Variants in SCIN observed in about 807,000 individuals in gnomAD.
The protein encoded by SCIN is scinderin.
Under a neutral mutation model 91.8 loss-of-function variants are expected in SCIN, and 91 were observed. That is an observed-to-expected ratio of 0.99 (90% CI 0.84 to 1.18). The LOEUF (loss-of-function observed/expected upper bound fraction) is 1.18, where lower values mean the gene tolerates loss of function less well. Ranked by LOEUF, SCIN falls within the 50% of genes most tolerant of loss-of-function variation. The pLI, the probability that SCIN is intolerant of heterozygous loss-of-function variation, is 0.00. For synonymous variants in SCIN, 367 were observed against 312.6 expected (o/e 1.17, Z -1.84); for missense variants, 1,087 against 863.9 (o/e 1.26, Z -3.24).
chr7:12,616,696 A>G (rs757425018), intron 4 of SCIN, among the ~76,000 whole-genome samples: 7 of 152,128 alleles, frequency 4.6e-5, no homozygotes, highest in Non-Finnish European at 8.8e-5. Flanking sequence ...TAACAGATAT[A>G]TCTTGCCTCA....
chr7:12,646,471 C>G (rs999459226), intron 13 of SCIN, among the ~76,000 whole-genome samples: 1 of 152,166 alleles, frequency 6.6e-6, no homozygotes, highest in Admixed American at 6.5e-5. Context: ...AAGGCCCCAC[C>G]TCCTACTACC....
rs1784145873 is a variant in SCIN at position 12,655,122 on chromosome 7, T to TG, written c.*2407_*2408insG. On this transcript the variant is annotated 3_prime_UTR_variant, in exon 16 of 16. Coordinates refer to ENST00000297029, the MANE Select transcript of SCIN (RefSeq NM_001112706.3). ...ATAAAACCTATACCATTCTCCTGTA[T>TG]ACTCTAAGTCATCTCTGCGTTACTT... The TG allele has an allele frequency of 6.6e-6, 1 of 152,228 alleles. No individual in the cohort carries two copies. Among genetic ancestry groups the TG allele is most frequent in the Non-Finnish European group, 1.5e-5 (1 of 68,032 alleles). The allele number at this position is 152,228 out of a possible 1,614,324, so 9.4% of individuals were successfully genotyped here. A position where few individuals can be genotyped will look rare whatever the true frequency, so the allele number is the denominator to read the frequency against.
At chr7:12,587,475 C>G (rs1378195553) in intron 3 of SCIN, among the ~76,000 whole-genome samples, 1 of 152,170 alleles carries the variant, frequency 6.6e-6, no homozygotes, top group Non-Finnish European at 1.5e-5. Context: ...GCCTCTGTTC[C>G]CCAGACATTT....
rs1163127989 is a variant in SCIN, at chr7:12,657,543, T to C, written c.*4828T>C. ...TAAGTTTTATATATGTGTGTGTATA[T>C]ATATATATATATATATATATATATA... On this transcript the variant is annotated 3_prime_UTR_variant, in exon 16 of 16. Transcript: ENST00000297029. The C allele has an allele frequency of 8.8e-5, 2 of 22,762 alleles. No individual in the cohort carries two copies. Among genetic ancestry groups the C allele is most frequent in the Non-Finnish European group, 1.0e-4 (1 of 9,922 alleles). 1.4% of individuals were successfully genotyped at this position (22,762 alleles called of 1,614,324 possible).
intron 9 of SCIN, among the ~76,000 whole-genome samples, chr7:12,630,122 C>T (rs1288387897): frequency 6.6e-6 from 1 of 151,816 alleles, no homozygotes; most frequent in Non-Finnish European, 1.5e-5. Flanking sequence ...GGTGACATTT[C>T]TTTTTGGTGA....
chr7:12,622,862 T>C lies in SCIN; in HGVS notation c.728T>C (p.Ile243Thr). ...GATGATGATGACATTATAGCAGACA[T>C]AAGTAACAGGAAAATGGCTAAACTA... is the stretch of plus-strand genomic sequence containing the variant. Reference protein sequence around the residue: ...GGDDDDIIADISNRKMAKLYM... With the variant: ...GGDDDDIIADTSNRKMAKLYM... Residue 243 changes from isoleucine to threonine, a missense_variant, in exon 5 of 16, where the codon ATA becomes ACA. Transcript: ENST00000297029. 6.2e-7 allele frequency: 1 copy of C among 1,612,988 alleles called. No homozygotes were observed. Among genetic ancestry groups the C allele is most frequent in the Non-Finnish European group, 8.5e-7 (1 of 1,179,252 alleles).
intron 7 of SCIN, chr7:12,626,055 A>T: frequency 1.9e-6 from 1 of 518,592 alleles, no homozygotes; most frequent in Non-Finnish European, 3.4e-6. Context: ...CAGACTTTCC[A>T]TAGAGCTGCC....
In SCIN at chr7:12,651,898, T is replaced by A; in HGVS notation, c.2017T>A (p.Ser673Thr). The change falls in exon 15 of 16, where the codon TCT becomes ACT. Residue 673 changes from serine (S) to threonine (T), a missense_variant. Physicochemically the swap from Ser to Thr is moderately conservative, Grantham distance 58. Coordinates refer to ENST00000297029, the MANE Select transcript of SCIN (RefSeq NM_001112706.3). This position sits in a 1 kb window ranked among gnomAD's most constrained non-coding sequence, Gnocchi z 5.9. ...NEVEKKESLK[S>T]AKMYLETDPS... Reference sequence around the variant, plus strand: ...AGTTGAGAAAAAAGAATCTCTGAAGTCTGGTAAGCTCAATCGATGGACCAT... The same window carrying A: ...AGTTGAGAAAAAAGAATCTCTGAAGACTGGTAAGCTCAATCGATGGACCAT... The A allele has an allele frequency of 6.2e-7, 1 of 1,601,264 alleles. No homozygotes were observed. Among genetic ancestry groups the A allele is most frequent in the Non-Finnish European group, 8.5e-7 (1 of 1,171,220 alleles).
At chr7:12,588,749 A>G in intron 3 of SCIN, among the ~76,000 whole-genome samples, 1 of 141,688 alleles carries the variant, frequency 7.1e-6, no homozygotes, top group Non-Finnish European at 1.5e-5. Flanking sequence ...TGTAGTGCCT[A>G]GATAAGGGTC....
intron 15 of SCIN, among the ~76,000 whole-genome samples, chr7:12,652,125 A>G (rs1424085149): frequency 6.6e-6 from 1 of 152,252 alleles, no homozygotes; most frequent in African/African-American, 2.4e-5. Flanking sequence ...GAATAGAATT[A>G]TATCAATTTA....
chr7:12,604,590 G>T lies in SCIN; in HGVS notation c.593G>T (p.Arg198Leu). The T allele has an allele frequency of 6.4e-7, 1 of 1,551,904 alleles. No individual in the cohort carries two copies. The highest frequency in any genetic ancestry group is 8.7e-7 in the Non-Finnish European group (1 of 1,147,030). Residue 198 changes from arginine to leucine, a missense_variant, in exon 4 of 16, where the codon CGG becomes CTG. Coordinates refer to ENST00000297029, the MANE Select transcript of SCIN (RefSeq NM_001112706.3). Reference sequence around the variant, plus strand: ...GCAAACCAGGTAGCTACTGGCATTCGGTACAATGAAAGGAAAGGAAGGTCT... The same window carrying T: ...GCAAACCAGGTAGCTACTGGCATTCTGTACAATGAAAGGAAAGGAAGGTCT... ...LKANQVATGI[R>L]YNERKGRSEL...
At position 12,651,390 on chromosome 7, in the gene SCIN, A is replaced by G. The variant is rs1377645398; in HGVS notation, c.1960-451A>G. ...TACAGATGCAGATCTTCCCCTACAAAAGGCAGATTTGCAGGGCTATTTCTG... is the reference window on the plus strand; with the variant it reads ...TACAGATGCAGATCTTCCCCTACAAGAGGCAGATTTGCAGGGCTATTTCTG... On this transcript the variant is annotated intron_variant, in intron 14 of 15. Coordinates refer to ENST00000297029, the MANE Select transcript of SCIN (RefSeq NM_001112706.3). The surrounding 1 kb of genome is among the most constrained non-coding windows in gnomAD (Gnocchi z 5.9). Among the ~76,000 whole-genome samples, 1 of 152,188 alleles carries G rather than the reference A, an allele frequency of 6.6e-6. No individual in the cohort carries two copies. Among genetic ancestry groups the G allele is most frequent in the East Asian group, 1.9e-4 (1 of 5,204 alleles).
chr7:12,633,800 A>G (rs2115283834), intron 9 of SCIN, among the ~76,000 whole-genome samples: 1 of 152,334 alleles, frequency 6.6e-6, no homozygotes, highest in Middle Eastern at 3.4e-3. Context: ...ATCATCATGC[A>G]GCTCTGTGTA....
At position 12,656,990 on chromosome 7, in the gene SCIN, A is replaced by C. The variant is rs1373758367; in HGVS notation, c.*4275A>C. 1 of 151,926 alleles carries C rather than the reference A, an allele frequency of 6.6e-6. No homozygotes were observed. The highest frequency in any genetic ancestry group is 1.5e-5 in the Non-Finnish European group (1 of 67,956). 9.4% of individuals were successfully genotyped at this position (151,926 alleles called of 1,614,324 possible). ...TTCATTAGGAAATGACTAAAATCAA[A>C]TATTTTACTTGGTAATGCCAAGTAA... is the stretch of plus-strand genomic sequence containing the variant. On this transcript the variant is annotated 3_prime_UTR_variant, in exon 16 of 16. Transcript: ENST00000297029.
At chr7:12,612,575 G>C (rs1783214957) in intron 4 of SCIN, among the ~76,000 whole-genome samples, 1 of 152,042 alleles carries the variant, frequency 6.6e-6, no homozygotes, top group African/African-American at 2.4e-5. Context: ...CCTGCCCCAA[G>C]TTGCGACGCT....
intron 9 of SCIN, among the ~76,000 whole-genome samples, chr7:12,635,504 T>G (rs1468718002): frequency 7.1e-6 from 1 of 141,706 alleles, no homozygotes; most frequent in Admixed American, 7.3e-5. Context: ...CCCAGGTACT[T>G]GGGAGGCTGA....
At chr7:12,601,709 C>T (rs1031816931) in intron 3 of SCIN, among the ~76,000 whole-genome samples, 4 of 152,214 alleles carry the variant, frequency 2.6e-5, no homozygotes, top group African/African-American at 9.6e-5. Context: ...TTTCTTTCTG[C>T]ATATGCATGC....
chr7:12,571,863 C>T (rs1782278246), intron 1 of SCIN, among the ~76,000 whole-genome samples: 1 of 152,198 alleles, frequency 6.6e-6, no homozygotes, highest in South Asian at 2.1e-4. Context: ...TCATAAACAT[C>T]CTGAATGTCC....
At chr7:12,583,784 G>T (rs902552356) in intron 3 of SCIN, among the ~76,000 whole-genome samples, 1 of 152,078 alleles carries the variant, frequency 6.6e-6, no homozygotes, top group Non-Finnish European at 1.5e-5. Flanking sequence ...ACAAATCCAG[G>T]TTCACGTAAT....
Sources: allele counts gnomAD v4.1 joint callset (sites outside exome capture counted in the v4.1 genomes callset), GRCh38; gene constraint gnomAD v4.1.1; non-coding constraint Gnocchi (gnomAD v3.1); transcripts MANE v1.5; gene names NCBI Gene and HGNC (gene_info 2026-07-23, HGNC 2026-07-21).